The following WWOX variants were observed in gnomAD, a reference collection of about 807,000 sequenced individuals.
The protein encoded by WWOX is WW domain-containing oxidoreductase.
Under a neutral mutation model 46.2 loss-of-function variants are expected in WWOX, and 69 were observed. That is an observed-to-expected ratio of 1.49 (90% CI 1.23 to 1.82). The LOEUF is 1.82. Ranked by LOEUF, WWOX falls within the 40% of genes most tolerant of loss-of-function variation. The pLI is 0.00. For synonymous variants in WWOX, 359 were observed against 202.6 expected (o/e 1.77, Z -6.56); for missense variants, 919 against 542.6 (o/e 1.69, Z -6.89).
intron 8 of WWOX, among the ~76,000 whole-genome samples, chr16:79,162,778 C>G (rs1250030313): frequency 6.6e-6 from 1 of 152,184 alleles, no homozygotes; most frequent in Non-Finnish European, 1.5e-5. Flanking sequence ...GGAAGCTGTG[C>G]TGGGGGAGCC....
intron 7 of WWOX, among the ~76,000 whole-genome samples, chr16:78,425,385 C>G (rs1212041364): frequency 1.3e-5 from 2 of 152,140 alleles, no homozygotes; most frequent in African/African-American, 4.8e-5. Context: ...AACATCTTAC[C>G]AAGAAGAATG....
At chr16:79,153,389 GTACT>G (rs950118643) in intron 8 of WWOX, among the ~76,000 whole-genome samples, 4 of 152,104 alleles carry the variant, frequency 2.6e-5, no homozygotes, top group African/African-American at 7.2e-5. Flanking sequence ...TCTGCTGTGG[GTACT>G]TACTTAGGGA....
intron 8 of WWOX, among the ~76,000 whole-genome samples, chr16:78,725,081 C>T (rs929201378): frequency 1.3e-5 from 2 of 152,082 alleles, no homozygotes; most frequent in Admixed American, 6.6e-5. Flanking sequence ...AATATTGAAT[C>T]ATGGGGGTGG....
intron 6 of WWOX, among the ~76,000 whole-genome samples, chr16:78,419,373 T>TC (rs2151955265): frequency 6.6e-6 from 1 of 152,222 alleles, no homozygotes; most frequent in South Asian, 2.1e-4. Context: ...CTTCCATTTC[T>TC]CAATTTCAAA....
At chr16:78,135,603 C>G (rs1000158180) in intron 4 of WWOX, among the ~76,000 whole-genome samples, 3 of 151,976 alleles carry the variant, frequency 2.0e-5, no homozygotes, top group South Asian at 4.1e-4. Flanking sequence ...TGACATTTAT[C>G]TAAATCAGGC....
intron 8 of WWOX, among the ~76,000 whole-genome samples, chr16:78,527,542 C>T (rs2043505789): frequency 6.6e-6 from 1 of 152,108 alleles, no homozygotes; most frequent in South Asian, 2.1e-4. Context: ...GATGAGACTG[C>T]CTCAGCCAGC....
At chr16:78,325,934 C>T (rs1047245534) in intron 5 of WWOX, among the ~76,000 whole-genome samples, 1 of 152,212 alleles carries the variant, frequency 6.6e-6, no homozygotes, top group Non-Finnish European at 1.5e-5. Flanking sequence ...GGATCCTGTG[C>T]CTGGTGCTCA....
chr16:78,903,822 C>T (rs1168973699), intron 8 of WWOX, among the ~76,000 whole-genome samples: 1 of 152,190 alleles, frequency 6.6e-6, no homozygotes, highest in African/African-American at 2.4e-5. Context: ...CCATTTATAA[C>T]ATAATTCATA....
rs571196496 is a variant in WWOX at position 78,506,086 on chromosome 16, C to T, written c.1056+73334C>T. Among the ~76,000 whole-genome samples, 12 of 152,316 alleles carry T rather than the reference C, an allele frequency of 7.9e-5. No homozygotes were observed. The South Asian group carries it at 1.9e-3, about 24-fold the overall frequency. ...TTGGTCTGCGTCCAAGAGCTCCTCG[C>T]TTGGCCAGCAGGGGCTGCCTGGAGA... is the stretch of plus-strand genomic sequence containing the variant. On this transcript the variant is annotated intron_variant, in intron 8 of 8. Transcript: ENST00000566780.
intron 8 of WWOX, among the ~76,000 whole-genome samples, chr16:78,855,976 G>C (rs927630401): frequency 2.0e-5 from 3 of 152,158 alleles, no homozygotes; most frequent in South Asian, 4.1e-4. Flanking sequence ...GTCGGTGCAC[G>C]CACAAGGTAC....
chr16:78,832,639 A>C (rs969958975), intron 8 of WWOX, among the ~76,000 whole-genome samples: 1 of 152,126 alleles, frequency 6.6e-6, no homozygotes, highest in Non-Finnish European at 1.5e-5. Flanking sequence ...CCTGGATTAG[A>C]AAAGTCATCA....
chr16:78,752,308 C>T (rs1016495659), intron 8 of WWOX, among the ~76,000 whole-genome samples: 6 of 152,016 alleles, frequency 3.9e-5, no homozygotes, highest in Non-Finnish European at 8.8e-5. Context: ...TTGTTTTTGA[C>T]GGAGTCTCAC....
At position 79,032,069 on chromosome 16, in the gene WWOX, T is replaced by TTA. The variant is rs993611843; in HGVS notation, c.1057-179528_1057-179527dup. ...CCTCCTTCTGTATGTAATATATATA[T>TTA]TATATATATATAAAATATATATTAT... is the stretch of plus-strand genomic sequence containing the variant. On this transcript the variant is annotated intron_variant, in intron 8 of 8. Coordinates refer to ENST00000566780, the MANE Select transcript of WWOX (RefSeq NM_016373.4). Among the ~76,000 whole-genome samples, 5 of 144,154 alleles carry TTA rather than the reference T, an allele frequency of 3.5e-5. No homozygotes were observed. In the East Asian group the frequency reaches 5.9e-4, roughly 17 times the overall value. The allele number at this position is 144,154 out of a possible 152,430, so 94.6% of individuals were successfully genotyped here.
chr16:78,124,696 G>A (rs1567585392), intron 4 of WWOX, among the ~76,000 whole-genome samples: 1 of 152,226 alleles, frequency 6.6e-6, no homozygotes, highest in African/African-American at 2.4e-5. Flanking sequence ...AGGAAGGGTT[G>A]CATTGTGTGA....
At chr16:78,500,036 G>A (rs539693940) in intron 8 of WWOX, among the ~76,000 whole-genome samples, 2 of 152,294 alleles carry the variant, frequency 1.3e-5, no homozygotes, top group South Asian at 4.1e-4. Context: ...CCTGGTTTCT[G>A]CCTGTGGGAA....
intron 5 of WWOX, among the ~76,000 whole-genome samples, chr16:78,174,432 T>A (rs919034993): frequency 6.6e-6 from 1 of 152,172 alleles, no homozygotes; most frequent in African/African-American, 2.4e-5. Flanking sequence ...CTGGGAGATA[T>A]AATTCAAGTT....
chr16:78,390,965 T>C (rs940510970), intron 6 of WWOX, among the ~76,000 whole-genome samples: 7 of 152,214 alleles, frequency 4.6e-5, no homozygotes, highest in African/African-American at 1.7e-4. Context: ...AGGCTCTGAG[T>C]TCCTGTGTGT....
intron 8 of WWOX, among the ~76,000 whole-genome samples, chr16:79,153,055 A>T (rs1433949600): frequency 6.6e-6 from 1 of 152,190 alleles, no homozygotes; most frequent in Non-Finnish European, 1.5e-5. Flanking sequence ...GAGCGAGCGG[A>T]GGCCTGGTTT....
chr16:79,197,104 T>G (rs1247163693), intron 8 of WWOX, among the ~76,000 whole-genome samples: 6 of 152,126 alleles, frequency 3.9e-5, no homozygotes, highest in African/African-American at 1.4e-4. Flanking sequence ...TGGAGTCAAC[T>G]TTTAGGTTAT....
Sources: allele counts gnomAD v4.1 joint callset (sites outside exome capture counted in the v4.1 genomes callset), GRCh38; gene constraint gnomAD v4.1.1; transcripts MANE v1.5; gene names NCBI Gene and HGNC (gene_info 2026-07-23, HGNC 2026-07-21).